The following RNF220 variants were observed in gnomAD, a reference collection of about 807,000 sequenced individuals.
The protein encoded by RNF220 is E3 ubiquitin-protein ligase RNF220.
RNF220 carries 7 observed loss-of-function variants against 67.1 expected under a neutral mutation model. That is an observed-to-expected ratio of 0.10 (90% CI 0.06 to 0.20). The LOEUF is 0.20. RNF220 is among the 10% of genes least tolerant of loss of function. RNF220 has a pLI of 1.00. For synonymous variants in RNF220, 270 were observed against 283.2 expected (o/e 0.95, Z 0.47); for missense variants, 565 against 740.3 (o/e 0.76, Z 2.75).
chr1:44,415,675 C>A (rs1176391963), intron 2 of RNF220, among the ~76,000 whole-genome samples: 4 of 148,338 alleles, frequency 2.7e-5, no homozygotes, highest in Non-Finnish European at 1.5e-5. Flanking sequence ...CCGAAGTAAG[C>A]ATTTAGCTTT....
At chr1:44,518,334 A>T (rs1428682989) in intron 2 of RNF220, among the ~76,000 whole-genome samples, 2 of 152,144 alleles carry the variant, frequency 1.3e-5, no homozygotes, top group Non-Finnish European at 2.9e-5. Flanking sequence ...CTGAGATAGG[A>T]GGATCGCTTG....
chr1:44,590,121 T>C (rs545073098), intron 2 of RNF220, among the ~76,000 whole-genome samples: 1 of 152,292 alleles, frequency 6.6e-6, no homozygotes, highest in East Asian at 1.9e-4. Flanking sequence ...CTTCAGAGCA[T>C]GCGTTTTCTG....
At chr1:44,597,394 G>A (rs1019949851) in intron 2 of RNF220, among the ~76,000 whole-genome samples, 16 of 150,920 alleles carry the variant, frequency 1.1e-4, no homozygotes, top group African/African-American at 3.7e-4. Context: ...AAGAGACAAA[G>A]GAAAACAAGA....
At chr1:44,443,074 C>A (rs990791529) in intron 2 of RNF220, among the ~76,000 whole-genome samples, 1 of 152,182 alleles carries the variant, frequency 6.6e-6, no homozygotes, top group Non-Finnish European at 1.5e-5. Context: ...GATATTGAAT[C>A]ATTAGGATCC....
rs115944639 is a variant in RNF220 at position 44,544,702 on chromosome 1, T to C, written c.626-69463T>C. ...GGGCATGGATTAGCCTAAAGCCTTG[T>C]GGAACTTTGCCTTCCAAGACATGTT... On this transcript the variant is annotated intron_variant, in intron 2 of 14. Coordinates refer to ENST00000361799, the MANE Select transcript of RNF220 (RefSeq NM_018150.4). 1.8e-3 allele frequency among the ~76,000 whole-genome samples: 275 copies of C among 152,364 alleles called. 2 individuals carry two copies. Among genetic ancestry groups the C allele is most frequent in the African/African-American group, 6.3e-3 (262 of 41,594 alleles).
intron 2 of RNF220, among the ~76,000 whole-genome samples, chr1:44,596,067 G>A (rs1294588745): frequency 1.3e-5 from 2 of 152,154 alleles, no homozygotes; most frequent in African/African-American, 4.8e-5. Flanking sequence ...CCTGGCCGAT[G>A]AGCAAAGATT....
At chr1:44,472,230 A>G (rs965365576) in intron 2 of RNF220, among the ~76,000 whole-genome samples, 1 of 152,028 alleles carries the variant, frequency 6.6e-6, no homozygotes, top group African/African-American at 2.4e-5. Flanking sequence ...TTGGGTATAT[A>G]TCTAGGAGTG....
intron 2 of RNF220, among the ~76,000 whole-genome samples, chr1:44,572,641 C>T (rs1052323781): frequency 1.3e-5 from 2 of 151,996 alleles, no homozygotes; most frequent in African/African-American, 4.8e-5. Flanking sequence ...GCCTCTGCAG[C>T]AGCAAGACCA....
At chr1:44,542,940 G>A (rs57927443) in intron 2 of RNF220, among the ~76,000 whole-genome samples, 11,564 of 151,938 alleles carry the variant, frequency 0.076, 729 homozygotes, top group African/African-American at 0.17. Flanking sequence ...TCCCAGGCCC[G>A]CTCCAGGGCC....
intron 2 of RNF220, among the ~76,000 whole-genome samples, chr1:44,454,059 T>C (rs1039446772): frequency 2.0e-5 from 3 of 152,050 alleles, no homozygotes; most frequent in Non-Finnish European, 4.4e-5. Context: ...CAAAACATCT[T>C]AGTATCATTA....
intron 2 of RNF220, among the ~76,000 whole-genome samples, chr1:44,599,710 A>G (rs575000552): frequency 6.6e-6 from 1 of 152,324 alleles, no homozygotes; most frequent in East Asian, 1.9e-4. Flanking sequence ...AGATGATGGC[A>G]TGGTCATGAG....
chr1:44,410,211 A>G (rs1025419136), intron 1 of RNF220, among the ~76,000 whole-genome samples: 3 of 152,144 alleles, frequency 2.0e-5, no homozygotes, highest in Non-Finnish European at 2.9e-5. Context: ...TTTTCCTCAT[A>G]TAATATTGCT....
chr1:44,544,230 C>G (rs552846364), intron 2 of RNF220, among the ~76,000 whole-genome samples: 1 of 152,152 alleles, frequency 6.6e-6, no homozygotes, highest in African/African-American at 2.4e-5. Flanking sequence ...TGATCTCTGC[C>G]GGGGCCCCAG....
chr1:44,560,786 G>A (rs939871314), intron 2 of RNF220, among the ~76,000 whole-genome samples: 1 of 151,848 alleles, frequency 6.6e-6, no homozygotes, highest in Non-Finnish European at 1.5e-5. Context: ...GGTCTTGAAA[G>A]CCTGACCTCA....
At chr1:44,493,618 C>A (rs919992013) in intron 2 of RNF220, among the ~76,000 whole-genome samples, 1 of 152,076 alleles carries the variant, frequency 6.6e-6, no homozygotes, top group Non-Finnish European at 1.5e-5. Flanking sequence ...TCTAAAATCC[C>A]AGATCCAAAA....
At chr1:44,425,428 GT>G (rs780688969) in intron 2 of RNF220, among the ~76,000 whole-genome samples, 34 of 152,136 alleles carry the variant, frequency 2.2e-4, no homozygotes, top group Non-Finnish European at 3.8e-4. Flanking sequence ...CAGGATCACT[GT>G]TTCTTCTGCT....
rs1188466536 is a variant in RNF220 at position 44,651,153 on chromosome 1, C to T, written c.*378C>T. On this transcript the variant is annotated 3_prime_UTR_variant, in exon 15 of 15. Transcript: ENST00000361799. ...AGACTGAAGCACATGTAATATAGACCGTGTATGTTTACAATGTTGTGTATA... is the reference window on the plus strand; with the variant it reads ...AGACTGAAGCACATGTAATATAGACTGTGTATGTTTACAATGTTGTGTATA... 7 of 293,350 alleles carry T rather than the reference C, an allele frequency of 2.4e-5. No individual in the cohort carries two copies. Among genetic ancestry groups the T allele is most frequent in the South Asian group, 7.4e-5 (2 of 27,020 alleles). 18.2% of individuals were successfully genotyped at this position (293,350 alleles called of 1,614,324 possible). A position where few individuals can be genotyped will look rare whatever the true frequency, so the allele number is the denominator to read the frequency against.
At chr1:44,611,594 C>T (rs1194567557) in intron 2 of RNF220, among the ~76,000 whole-genome samples, 4 of 152,218 alleles carry the variant, frequency 2.6e-5, no homozygotes, top group East Asian at 1.9e-4. Context: ...ACTCACTCCT[C>T]GTGCCTCCCA....
At chr1:44,420,064 G>A (rs770745589) in intron 2 of RNF220, among the ~76,000 whole-genome samples, 2 of 152,192 alleles carry the variant, frequency 1.3e-5, no homozygotes, top group Non-Finnish European at 2.9e-5. Flanking sequence ...GTGATGTGGA[G>A]GTTTTGTAGA....
Sources: allele counts gnomAD v4.1 joint callset (sites outside exome capture counted in the v4.1 genomes callset), GRCh38; gene constraint gnomAD v4.1.1; transcripts MANE v1.5; gene names NCBI Gene and HGNC (gene_info 2026-07-23, HGNC 2026-07-21).